Variants in DENND1A observed in about 807,000 individuals in gnomAD.
DENND1A encodes DENN domain-containing protein 1A.
Under a neutral mutation model 113.7 loss-of-function variants are expected in DENND1A, and 51 were observed. The ratio of observed to expected loss-of-function variants is 0.45; its 90% CI spans 0.36 to 0.57. The LOEUF (loss-of-function observed/expected upper bound fraction) is 0.57, where lower values mean the gene tolerates loss of function less well. Ranked by LOEUF, DENND1A falls within the 20% of genes least tolerant of loss-of-function variation. The pLI, the probability that DENND1A is intolerant of heterozygous loss-of-function variation, is 0.00. For synonymous variants in DENND1A, 565 were observed against 570.8 expected (o/e 0.99, Z 0.14); for missense variants, 1,258 against 1,395.9 (o/e 0.90, Z 1.57).
At chr9:123,614,046 T>C (rs2060531298) in intron 10 of DENND1A, among the ~76,000 whole-genome samples, 1 of 152,230 alleles carries the variant, frequency 6.6e-6, no homozygotes, top group African/African-American at 2.4e-5. Flanking sequence ...GGAACTTTTA[T>C]TGAGCTACTA....
At chr9:123,552,971 T>G (rs963089576) in intron 13 of DENND1A, among the ~76,000 whole-genome samples, 1 of 152,238 alleles carries the variant, frequency 6.6e-6, no homozygotes, top group African/African-American at 2.4e-5. Flanking sequence ...AAGACCAGCA[T>G]GCCGGGCACG....
chr9:123,717,072 C>T (rs765339590), intron 5 of DENND1A, among the ~76,000 whole-genome samples: 10 of 152,062 alleles, frequency 6.6e-5, no homozygotes, highest in Non-Finnish European at 1.3e-4. Flanking sequence ...ATAGTCACAC[C>T]GCGCCTAGGA....
intron 21 of DENND1A, among the ~76,000 whole-genome samples, chr9:123,393,351 G>C (rs774628138): frequency 7.9e-5 from 12 of 152,088 alleles, no homozygotes; most frequent in Non-Finnish European, 1.2e-4. Context: ...GGCATGGTTA[G>C]TGGTCCTCAG....
intron 8 of DENND1A, among the ~76,000 whole-genome samples, chr9:123,663,859 A>C (rs2063366974): frequency 6.6e-6 from 1 of 152,066 alleles, no homozygotes; most frequent in Admixed American, 6.5e-5. Context: ...CAAAAAAAAA[A>C]AACCAAAAGA....
intron 10 of DENND1A, among the ~76,000 whole-genome samples, chr9:123,627,053 A>T (rs1429084300): frequency 6.6e-6 from 1 of 152,126 alleles, no homozygotes; most frequent in Non-Finnish European, 1.5e-5. Context: ...CAGATGTGAC[A>T]ATGCATCCCC....
At chr9:123,573,218 T>A (rs2058454567) in intron 12 of DENND1A, among the ~76,000 whole-genome samples, 1 of 152,176 alleles carries the variant, frequency 6.6e-6, no homozygotes, top group South Asian at 2.1e-4. Flanking sequence ...GTAATATAAG[T>A]CCTACAACTT....
At chr9:123,621,154 T>C (rs367667187) in intron 10 of DENND1A, among the ~76,000 whole-genome samples, 1 of 150,286 alleles carries the variant, frequency 6.7e-6, no homozygotes, top group African/African-American at 2.4e-5. Context: ...ATATATTTAG[T>C]TGATGCAAAA....
intron 5 of DENND1A, among the ~76,000 whole-genome samples, chr9:123,724,777 TAAG>T (rs970136574): frequency 6.6e-6 from 1 of 152,120 alleles, no homozygotes; most frequent in Non-Finnish European, 1.5e-5. Context: ...AAATAAAGAC[TAAG>T]AAGAATAGCA....
At chr9:123,471,271 C>T (rs1363146889) in intron 13 of DENND1A, among the ~76,000 whole-genome samples, 1 of 152,196 alleles carries the variant, frequency 6.6e-6, no homozygotes, top group African/African-American at 2.4e-5. Context: ...AAGTCCCTAA[C>T]CCCTCAGAGA....
chr9:123,800,979 G>A (rs545387302), intron 2 of DENND1A, among the ~76,000 whole-genome samples: 91 of 152,222 alleles, frequency 6.0e-4, no homozygotes, highest in African/African-American at 2.1e-3. Context: ...TCATACAGGA[G>A]AGACAATGCG....
chr9:123,828,941 T>C (rs534942917), intron 2 of DENND1A, among the ~76,000 whole-genome samples: 24 of 152,138 alleles, frequency 1.6e-4, no homozygotes, highest in African/African-American at 5.8e-4. Context: ...AAAATCAAAA[T>C]TGAACAGTAT....
chr9:123,397,717 A>G (rs898697055), intron 21 of DENND1A, among the ~76,000 whole-genome samples: 9 of 152,246 alleles, frequency 5.9e-5, no homozygotes, highest in African/African-American at 2.2e-4. Flanking sequence ...TAGTGGAATG[A>G]AAGTAATGGG....
At chr9:123,453,078 A>T (rs1340458434) in intron 16 of DENND1A, among the ~76,000 whole-genome samples, 2 of 152,188 alleles carry the variant, frequency 1.3e-5, no homozygotes, top group Non-Finnish European at 2.9e-5. Flanking sequence ...TGCACAGGGC[A>T]CGTTTTCATA....
chr9:123,770,125 T>C lies in DENND1A; in HGVS notation c.133-562A>G, dbSNP rs149298764. On this transcript the variant is annotated intron_variant, in intron 3 of 23. Transcript: ENST00000394215. Reference sequence around the variant, plus strand: ...TTCATTTACTTACTTTACAAAGAAGTTGCCATTTTGGGCATATATTTATTT... The same window carrying C: ...TTCATTTACTTACTTTACAAAGAAGCTGCCATTTTGGGCATATATTTATTT... 6.7e-3 allele frequency among the ~76,000 whole-genome samples: 1,024 copies of C among 152,340 alleles called. 7 individuals are homozygous for C. Among genetic ancestry groups the C allele is most frequent in the African/African-American group, 0.023 (965 of 41,574 alleles).
chr9:123,448,735 T>C (rs1241223654), intron 18 of DENND1A, among the ~76,000 whole-genome samples: 1 of 152,242 alleles, frequency 6.6e-6, no homozygotes, highest in Non-Finnish European at 1.5e-5. Context: ...TTTCAGGATG[T>C]GAATCTCAGC....
rs761416021 is a variant in DENND1A at position 123,382,277 on chromosome 9, C to T, written c.2368G>A (p.Ala790Thr). 37 of 1,610,530 alleles carry T rather than the reference C, an allele frequency of 2.3e-5. No individual in the cohort carries two copies. The highest frequency in any genetic ancestry group is 2.1e-4 in the South Asian group (19 of 90,982). ...CGCTCTGAGACGTCACCAAGTGCGG[C>T]GCCGGCAGCCTGGAGCTTGGCCGGG... The part of the protein sequence containing the change: ...PRPAKLQAAG[A>T]ALGDVSERLQ... The change falls in exon 24 of 24, where the codon GCC becomes ACC. Residue 790 changes from alanine to threonine, a missense_variant. Transcript: ENST00000394215.
At chr9:123,699,243 G>A (rs1275649938) in intron 5 of DENND1A, among the ~76,000 whole-genome samples, 2 of 152,018 alleles carry the variant, frequency 1.3e-5, no homozygotes, top group Non-Finnish European at 2.9e-5. Flanking sequence ...GGTAAAATAT[G>A]GAACACCTTC....
chr9:123,708,334 A>G (rs1417990482), intron 5 of DENND1A, among the ~76,000 whole-genome samples: 2 of 152,184 alleles, frequency 1.3e-5, no homozygotes, highest in Non-Finnish European at 2.9e-5. Context: ...TAAGAGTTCT[A>G]TTCTGGATAG....
At chr9:123,889,793 T>C in intron 1 of DENND1A, among the ~76,000 whole-genome samples, 1 of 152,014 alleles carries the variant, frequency 6.6e-6, no homozygotes. Context: ...GCCAACATGG[T>C]GAAACCCCGT....
Sources: gnomAD v4.1 joint callset for allele counts (sites outside exome capture counted in the v4.1 genomes callset) on GRCh38, gnomAD v4.1.1 for gene constraint, MANE v1.5 for transcripts, NCBI Gene and HGNC (gene_info 2026-07-23, HGNC 2026-07-21) for gene names.